The following AGBL4 variants were observed in gnomAD, a reference collection of about 807,000 sequenced individuals.
AGBL4 encodes AGBL carboxypeptidase 4, also known as cytosolic carboxypeptidase 6.
AGBL4 carries 58 observed loss-of-function variants against 66.4 expected under a neutral mutation model. That is an observed-to-expected ratio of 0.87 (90% CI 0.71 to 1.09). The LOEUF is 1.09. Among genes scored for constraint, AGBL4 ranks in the 50% least tolerant of loss-of-function variants. The probability of loss-of-function intolerance (pLI) is 0.00; values close to 1 mark genes in which losing one functional copy is unlikely to be tolerated. For missense variants in AGBL4, 579 were observed against 631.0 expected, an observed-to-expected ratio of 0.92 and a Z score of 0.88; for synonymous variants, 234 against 222.9, an observed-to-expected ratio of 1.05 and a Z score of -0.44.
At chr1:49,617,095 C>T (rs1645263379) in intron 3 of AGBL4, among the ~76,000 whole-genome samples, 1 of 152,122 alleles carries the variant, frequency 6.6e-6, no homozygotes, top group African/African-American at 2.4e-5. Context: ...CTTACATTGG[C>T]CCAGAAGTCC....
chr1:49,918,774 A>G (rs1651865522), intron 1 of AGBL4, among the ~76,000 whole-genome samples: 2 of 152,020 alleles, frequency 1.3e-5, no homozygotes, highest in African/African-American at 4.8e-5. Flanking sequence ...ACTGGCAGAG[A>G]CACAAAAAAA....
intron 4 of AGBL4, among the ~76,000 whole-genome samples, chr1:49,154,513 C>T (rs566538565): frequency 2.4e-4 from 36 of 152,214 alleles, no homozygotes; most frequent in Non-Finnish European, 4.4e-4. Context: ...CTAAGAGAAT[C>T]GTTAAGTCTA....
intron 3 of AGBL4, among the ~76,000 whole-genome samples, chr1:49,521,797 A>C (rs1195300825): frequency 6.6e-6 from 1 of 152,126 alleles, no homozygotes; most frequent in African/African-American, 2.4e-5. Flanking sequence ...CAAAAATTAA[A>C]ATTTACAAGT....
At chr1:49,897,491 G>A (rs940848170) in intron 1 of AGBL4, among the ~76,000 whole-genome samples, 5 of 151,944 alleles carry the variant, frequency 3.3e-5, no homozygotes, top group African/African-American at 9.7e-5. Context: ...ACAAGTTCAT[G>A]CATTGGAAGA....
At chr1:49,133,042 T>A (rs576169154) in intron 4 of AGBL4, among the ~76,000 whole-genome samples, 2 of 152,284 alleles carry the variant, frequency 1.3e-5, no homozygotes, top group South Asian at 4.1e-4. Context: ...ATATACACCA[T>A]GGAATATTAT....
intron 1 of AGBL4, among the ~76,000 whole-genome samples, chr1:49,871,351 C>T (rs1346585905): frequency 6.6e-6 from 1 of 151,874 alleles, no homozygotes; most frequent in Non-Finnish European, 1.5e-5. Context: ...TTTATTAGGG[C>T]TTTTGGTTTG....
downstream of AGBL4, among the ~76,000 whole-genome samples, chr1:48,527,918 T>G (rs548495320): frequency 3.5e-4 from 54 of 152,230 alleles, no homozygotes; most frequent in South Asian, 8.3e-4. Flanking sequence ...GGGTCATGTT[T>G]TATGGAGCTC....
chr1:49,172,257 C>T (rs10493143), intron 4 of AGBL4, among the ~76,000 whole-genome samples: 16,849 of 152,096 alleles, frequency 0.11, 1,589 homozygotes, highest in African/African-American at 0.25. Flanking sequence ...TTACATTGAC[C>T]CTGTCTTCAA....
At chr1:49,349,497 T>C (rs1254352337) in intron 3 of AGBL4, among the ~76,000 whole-genome samples, 1 of 152,194 alleles carries the variant, frequency 6.6e-6, no homozygotes, top group East Asian at 1.9e-4. Context: ...AGTTCAAATA[T>C]TCACCTTCTC....
intron 3 of AGBL4, among the ~76,000 whole-genome samples, chr1:49,482,609 T>C (rs1646979851): frequency 6.6e-6 from 1 of 152,016 alleles, no homozygotes; most frequent in African/African-American, 2.4e-5. Flanking sequence ...GAATGGTTTA[T>C]CATGTCCCTA....
At chr1:49,948,189 AAT>A (rs1221481066) in intron 1 of AGBL4, among the ~76,000 whole-genome samples, 44 of 98,748 alleles carry the variant, frequency 4.5e-4, no homozygotes, top group Admixed American at 8.1e-4. Context: ...ACTATATATA[AAT>A]ATATATAAAT....
intron 5 of AGBL4, among the ~76,000 whole-genome samples, chr1:48,897,203 T>G (rs1382506205): frequency 6.6e-6 from 1 of 152,146 alleles, no homozygotes; most frequent in African/African-American, 2.4e-5. Flanking sequence ...GAAATCCACA[T>G]TTTTAGCTCC....
intron 4 of AGBL4, chr1:49,048,268 T>A (rs1311233947): frequency 6.6e-6 from 1 of 152,162 alleles, no homozygotes; most frequent in African/African-American, 2.4e-5. Flanking sequence ...CCAGGGTATA[T>A]GCTTTCAATT....
intron 2 of AGBL4, among the ~76,000 whole-genome samples, chr1:49,799,140 C>T (rs1264713180): frequency 2.0e-5 from 3 of 152,096 alleles, no homozygotes; most frequent in African/African-American, 7.2e-5. Flanking sequence ...GCAAACGTCT[C>T]GCTGAAGTTA....
chr1:49,058,717 G>C (rs891841567), intron 4 of AGBL4, among the ~76,000 whole-genome samples: 1 of 152,214 alleles, frequency 6.6e-6, no homozygotes, highest in African/African-American at 2.4e-5. Context: ...ACTTCCTAGA[G>C]ACTTGTTGAA....
intron 3 of AGBL4, among the ~76,000 whole-genome samples, chr1:49,611,883 A>G (rs1645162080): frequency 6.6e-6 from 1 of 152,250 alleles, no homozygotes; most frequent in African/African-American, 2.4e-5. Context: ...TTTTAAAAAT[A>G]CAATACACTA....
At chr1:48,949,033 C>T (rs578088845) in intron 5 of AGBL4, among the ~76,000 whole-genome samples, 1 of 152,232 alleles carries the variant, frequency 6.6e-6, no homozygotes, top group Non-Finnish European at 1.5e-5. Context: ...GAAGACATAC[C>T]AGAATTTATA....
In AGBL4 at chr1:48,676,795, T is replaced by C. The variant is rs374888108; in HGVS notation, c.635-13554A>G. 1.4e-3 allele frequency among the ~76,000 whole-genome samples: 209 copies of C among 152,302 alleles called. 2 individuals carry two copies. In the South Asian group the frequency reaches 0.039, roughly 28 times the overall value. ...TAACCCTGGCTGCTTATTAGAACCA[T>C]GCAGCAGCTTTGTAAAAATACTGAT... On this transcript the variant is annotated intron_variant, in intron 6 of 13. Transcript: ENST00000371839.
intron 3 of AGBL4, among the ~76,000 whole-genome samples, chr1:49,606,363 T>G (rs1422766753): frequency 6.6e-6 from 1 of 152,146 alleles, no homozygotes; most frequent in Admixed American, 6.6e-5. Context: ...GAAAGCACTT[T>G]ATAGATTTCA....
Sources: gnomAD v4.1 joint callset for allele counts (sites outside exome capture counted in the v4.1 genomes callset) on GRCh38, gnomAD v4.1.1 for gene constraint, MANE v1.5 for transcripts, NCBI Gene and HGNC (gene_info 2026-07-23, HGNC 2026-07-21) for gene names.